LAMA1: variants seen among roughly 807,000 people sequenced by gnomAD.
LAMA1 encodes laminin subunit alpha 1, also known as laminin subunit alpha-1.
Under a neutral mutation model 348.7 loss-of-function variants are expected in LAMA1, and 219 were observed. The ratio of observed to expected loss-of-function variants is 0.63; its 90% CI spans 0.56 to 0.70. LAMA1 has a LOEUF of 0.70. Among genes scored for constraint, LAMA1 ranks in the 30% least tolerant of loss-of-function variants. The probability of loss-of-function intolerance (pLI) is 0.00; values close to 1 mark genes in which losing one functional copy is unlikely to be tolerated. For synonymous variants in LAMA1, 1,487 were observed against 1,491.0 expected (o/e 1.00, Z 0.06); for missense variants, 3,744 against 3,888.0 (o/e 0.96, Z 0.99).
chr18:7,095,122 T>TTCTC (rs71165720), intron 1 of LAMA1, among the ~76,000 whole-genome samples: 7,219 of 126,252 alleles, frequency 0.057, 240 homozygotes, highest in Admixed American at 0.12. Context: ...CTCAGGACCT[T>TTCTC]TCTCTCTCTC....
At chr18:7,032,708 A>C (rs533793925) in intron 15 of LAMA1, among the ~76,000 whole-genome samples, 16 of 152,328 alleles carry the variant, frequency 1.1e-4, no homozygotes, top group Admixed American at 8.5e-4. Context: ...TTAGAAACAC[A>C]GTCAATGGCA....
chr18:6,961,966 C>T lies in LAMA1; in HGVS notation c.7431G>A (p.Val2477=), dbSNP rs1354196731. The T allele has an allele frequency of 1.9e-6, 3 of 1,613,944 alleles. No individual in the cohort carries two copies. Among genetic ancestry groups the T allele is most frequent in the Non-Finnish European group, 2.5e-6 (3 of 1,179,926 alleles). ...TFDLLRNSYG[V]RKGCLLEPIR... ...CTACCTCCAGTAAACAGCCTTTTCT[C>T]ACTCCATAGGAATTTCTGAGTAAGT... Residue 2477 remains valine, a synonymous_variant, in exon 52 of 63, where the codon GTG becomes GTA. Coordinates refer to ENST00000389658, the MANE Select transcript of LAMA1 (RefSeq NM_005559.4).
At chr18:7,083,845 C>T (rs1476454177) in intron 1 of LAMA1, among the ~76,000 whole-genome samples, 19 of 151,922 alleles carry the variant, frequency 1.3e-4, no homozygotes, top group African/African-American at 4.1e-4. Flanking sequence ...CCGAGGCGGG[C>T]GGATCACTTG....
chr18:7,100,768 G>C (rs1015767563), intron 1 of LAMA1, among the ~76,000 whole-genome samples: 3 of 152,136 alleles, frequency 2.0e-5, no homozygotes, highest in African/African-American at 7.2e-5. Context: ...CCAGCACTTT[G>C]GGGGGCCGAG....
rs141907708 is a variant in LAMA1 at position 7,014,009 on chromosome 18, C to T, written c.3169G>A (p.Asp1057Asn). ...CACTGGCAATGGCCGGTGACCACAT[C>T]GCACCGATGATGAGTCGACCCCACG... ...SLVGSTHHRC[D>N]VVTGHCQCKS... Residue 1057 changes from aspartate to asparagine, a missense_variant, in exon 23 of 63, where the codon GAT becomes AAT. This residue lies in a region of LAMA1 where 1,529 missense variants were observed against 1,689.4 expected (regional missense o/e 0.91). Coordinates refer to ENST00000389658, the MANE Select transcript of LAMA1 (RefSeq NM_005559.4). The T allele has an allele frequency of 9.1e-5, 147 of 1,613,966 alleles. No homozygotes were observed. Among genetic ancestry groups the T allele is most frequent in the African/African-American group, 3.9e-4 (29 of 75,044 alleles).
At chr18:6,985,085 C>T in intron 39 of LAMA1, 152 bp downstream of exon 39, 1 of 900,126 alleles carries the variant, frequency 1.1e-6, no homozygotes, top group Non-Finnish European at 1.8e-6. Flanking sequence ...TGTTAGCAGA[C>T]ACAAGGAAAT....
At chr18:7,096,730 CATA>C (rs1265591590) in intron 1 of LAMA1, among the ~76,000 whole-genome samples, 2 of 152,070 alleles carry the variant, frequency 1.3e-5, no homozygotes, top group Non-Finnish European at 2.9e-5. Flanking sequence ...TTGTCTATGG[CATA>C]ATAAGGAAGT....
chr18:7,008,762 A>T (rs1321954609), intron 27 of LAMA1, among the ~76,000 whole-genome samples, 154 bp from the exon 28 acceptor site: 1 of 152,238 alleles, frequency 6.6e-6, no homozygotes, highest in African/African-American at 2.4e-5. Context: ...AAGTGTGTTA[A>T]AGCACATTAC....
At chr18:7,040,050 G>A in intron 10 of LAMA1, 26 bp downstream of exon 10, 1 of 1,613,164 alleles carries the variant, frequency 6.2e-7, no homozygotes, top group Non-Finnish European at 8.5e-7. Context: ...AGGAAGCTCA[G>A]GGGTGTCTCT....
chr18:6,978,270 G>A lies in LAMA1; in HGVS notation c.6116C>T (p.Thr2039Ile), dbSNP rs769459606. ...VAGLSQELLNTSASLSRVNTT... is the reference protein window; with the variant it reads ...VAGLSQELLNISASLSRVNTT... ...GTTGACCCTGGACAGGCTGGCAGAT[G>A]TGTTCAGCAGCTCCTGGCTCAGCCC... is the stretch of plus-strand genomic sequence containing the variant. Residue 2039 changes from threonine (T) to isoleucine (I), a missense_variant, in exon 43 of 63, where the codon ACA (threonine) becomes ATA (isoleucine). By Grantham distance (89) the Thr-to-Ile change is moderately conservative (BLOSUM62 -1). Transcript: ENST00000389658. 2.5e-6 allele frequency: 4 copies of A among 1,614,232 alleles called. No homozygotes were observed. In the Admixed American group the frequency reaches 6.7e-5, roughly 27 times the overall value.
chr18:7,018,297 C>T (rs1321815053), intron 19 of LAMA1, among the ~76,000 whole-genome samples: 1 of 119,928 alleles, frequency 8.3e-6, no homozygotes, highest in African/African-American at 3.4e-5. Flanking sequence ...GATCACACCA[C>T]TGCATTCTAG....
At chr18:7,091,659 A>C (rs1247512424) in intron 1 of LAMA1, among the ~76,000 whole-genome samples, 1 of 152,174 alleles carries the variant, frequency 6.6e-6, no homozygotes, top group African/African-American at 2.4e-5. Context: ...GGACCATTTC[A>C]TGAGTATGTG....
chr18:6,954,967 T>TAAAAA, intron 57 of LAMA1: 54 of 330,572 alleles, frequency 1.6e-4, no homozygotes, highest in Admixed American at 3.0e-4. Flanking sequence ...ACTCGGGATT[T>TAAAAA]TGGCCACCAC....
At chr18:6,942,387 T>G (rs971544185) in intron 62 of LAMA1, 148 bp from the exon 63 acceptor site, 1 of 842,558 alleles carries the variant, frequency 1.2e-6, no homozygotes, top group African/African-American at 1.7e-5. Flanking sequence ...TCCACATATG[T>G]GGTGTCAGTG....
intron 57 of LAMA1, among the ~76,000 whole-genome samples, chr18:6,951,479 G>A (rs1600342280): frequency 6.6e-6 from 1 of 152,300 alleles, no homozygotes; most frequent in African/African-American, 2.4e-5. Context: ...GAGGGACCAC[G>A]GTGTCACTGG....
At chr18:7,106,301 G>A (rs2058311410) in intron 1 of LAMA1, among the ~76,000 whole-genome samples, 1 of 151,874 alleles carries the variant, frequency 6.6e-6, no homozygotes, top group Admixed American at 6.6e-5. Context: ...CACCTACAAA[G>A]TTTATGATGT....
intron 3 of LAMA1, among the ~76,000 whole-genome samples, chr18:7,062,758 A>G (rs2058107480): frequency 6.6e-6 from 1 of 152,188 alleles, no homozygotes; most frequent in South Asian, 2.1e-4. Context: ...TCTCTCCTAC[A>G]TGGCCCCAAA....
chr18:7,027,052 A>G (rs2144149724), intron 16 of LAMA1, among the ~76,000 whole-genome samples: 1 of 152,336 alleles, frequency 6.6e-6, no homozygotes, highest in South Asian at 2.1e-4. Context: ...AGGCAGTAGA[A>G]ACATTTCCTG....
intron 11 of LAMA1, 32 bp from the exon 12 acceptor site, chr18:7,037,783 G>A (rs1360544707): frequency 4.4e-6 from 7 of 1,606,270 alleles, no homozygotes; most frequent in Admixed American, 1.7e-5. Context: ...TTTGAAGTAT[G>A]AAATAGAACT....
Sources: allele counts gnomAD v4.1 joint callset (sites outside exome capture counted in the v4.1 genomes callset), GRCh38; gene constraint gnomAD v4.1.1; regional missense constraint gnomAD v4.1.1; transcripts MANE v1.5; gene names NCBI Gene and HGNC (gene_info 2026-07-23, HGNC 2026-07-21).